Variants in FYCO1 observed in about 807,000 individuals in gnomAD.
FYCO1 encodes the protein FYVE and coiled-coil domain-containing protein 1.
A neutral mutation model predicts 165.1 loss-of-function variants in FYCO1; 122 were observed. The ratio of observed to expected loss-of-function variants is 0.74; its 90% CI spans 0.64 to 0.86. The LOEUF (loss-of-function observed/expected upper bound fraction) is 0.86, where lower values mean the gene tolerates loss of function less well. Ranked by LOEUF, FYCO1 falls within the 40% of genes least tolerant of loss-of-function variation. The pLI, the probability that FYCO1 is intolerant of heterozygous loss-of-function variation, is 0.00. For missense variants in FYCO1, 1,702 were observed against 1,810.3 expected (o/e 0.94, Z 1.09); for synonymous variants, 648 against 742.5 (o/e 0.87, Z 2.07).
At chr3:45,936,343 A>T in intron 15 of FYCO1, 105 bp downstream of exon 15, 1 of 771,708 alleles carries the variant, frequency 1.3e-6, no homozygotes, top group South Asian at 1.4e-5. Flanking sequence ...CCCCACTGGT[A>T]TTAAGTTAGA....
chr3:45,956,459 T>G (rs532760637), intron 13 of FYCO1, among the ~76,000 whole-genome samples: 2 of 152,304 alleles, frequency 1.3e-5, no homozygotes, highest in African/African-American at 4.8e-5. Flanking sequence ...GGCAAGCCCA[T>G]GCAAAGTTCC....
chr3:45,985,808 C>T (rs1204172797), intron 1 of FYCO1, among the ~76,000 whole-genome samples: 1 of 152,246 alleles, frequency 6.6e-6, no homozygotes, highest in Non-Finnish European at 1.5e-5. Flanking sequence ...TGAAGGCCAA[C>T]AGAAGTTAAA....
Position 45,931,195 on chromosome 3 carries a change from A to G in FYCO1, c.4127T>C (p.Leu1376Pro), listed in dbSNP as rs387906965. ...TGCCTCGGCCACAGTGATGGGGATC[A>G]GGCTGTAGGTGCTGGACCTCACAAA... ...ELFVRSSTYS[L>P]IPITVAEAGL... The change falls in exon 16 of 18, where the codon CTG becomes CCG. Residue 1376 changes from leucine to proline, a missense_variant. Leu to Pro is a moderately conservative substitution (Grantham distance 98). Transcript: ENST00000296137. The G allele has an allele frequency of 1.2e-6, 2 of 1,614,134 alleles. No homozygotes were observed. Among genetic ancestry groups the G allele is most frequent in the South Asian group, 2.2e-5 (2 of 91,086 alleles).
intron 1 of FYCO1, among the ~76,000 whole-genome samples, chr3:45,988,281 C>T (rs1324181018): frequency 6.6e-6 from 1 of 152,162 alleles, no homozygotes; most frequent in African/African-American, 2.4e-5. Context: ...CTCCTTGCTC[C>T]TCCGTCTCGG....
At chr3:45,976,055 CCCAGGGGTGAGA>C (rs1706740778) in intron 4 of FYCO1, among the ~76,000 whole-genome samples, 1 of 152,168 alleles carries the variant, frequency 6.6e-6, no homozygotes, top group Non-Finnish European at 1.5e-5. Context: ...TCAGAAGGAG[CCCAGGGGTGAGA>C]CCAGGGGTGT....
chr3:45,943,943 A>G (rs1418824965), intron 14 of FYCO1, among the ~76,000 whole-genome samples: 1 of 152,236 alleles, frequency 6.6e-6, no homozygotes, highest in Non-Finnish European at 1.5e-5. Flanking sequence ...ATATAAATCA[A>G]CATACTACTG....
In FYCO1 at chr3:45,956,152, T is replaced by C. The variant is rs192745425; in HGVS notation, c.3800-759A>G. ...GGAGTTCAGTACCAGCCTGGCCAAC[T>C]TGATGAAACCCTGTGTCTAATAAAA... is the stretch of plus-strand genomic sequence containing the variant. On this transcript the variant is annotated intron_variant, in intron 13 of 17. Coordinates refer to ENST00000296137, the MANE Select transcript of FYCO1 (RefSeq NM_024513.4). 3.6e-3 allele frequency among the ~76,000 whole-genome samples: 540 copies of C among 152,098 alleles called. 8 individuals are homozygous for C. Among genetic ancestry groups the C allele is most frequent in the African/African-American group, 0.012 (501 of 41,464 alleles).
At chr3:45,930,791 C>G (rs750499365) in intron 16 of FYCO1, among the ~76,000 whole-genome samples, 14 of 152,222 alleles carry the variant, frequency 9.2e-5, no homozygotes, top group Non-Finnish European at 1.8e-4. Context: ...CTGTATTCCT[C>G]TTTCACCTAC....
At chr3:45,959,961 T>C (rs1319027267) in intron 11 of FYCO1, among the ~76,000 whole-genome samples, 1 of 152,220 alleles carries the variant, frequency 6.6e-6, no homozygotes, top group Non-Finnish European at 1.5e-5. Flanking sequence ...GGGCCCTTTA[T>C]GTTTCTATGG....
intron 1 of FYCO1, among the ~76,000 whole-genome samples, chr3:45,988,890 A>T (rs1432836833): frequency 6.6e-6 from 1 of 152,178 alleles, no homozygotes; most frequent in Non-Finnish European, 1.5e-5. Context: ...AGTTTTTTCT[A>T]TACCTGCCCA....
Position 45,964,566 on chromosome 3 carries a change from G to C in FYCO1, c.3151-112C>G. On this transcript the variant is annotated intron_variant, in intron 9 of 17. Transcript: ENST00000296137. This position sits in a 1 kb window ranked among gnomAD's most constrained non-coding sequence, Gnocchi z 4.1. ...TCTGGCTGGGTCACTTCTAAATGGA[G>C]GGTTGTTTCCTATTAAGTTCAAGAG... The C allele has an allele frequency of 6.4e-7, 1 of 1,552,114 alleles. No homozygotes were observed.
Position 45,976,806 on chromosome 3 carries a change from G to A in FYCO1, c.289-1461C>T, listed in dbSNP as rs569170167. On this transcript the variant is annotated intron_variant, in intron 4 of 17. Transcript: ENST00000296137. The stretch of plus-strand genomic sequence containing the variant: ...CAGAACTATATTTCTTCTTACTGCT[G>A]ACTCAAGGAAATGATACCATATGAA... Among the ~76,000 whole-genome samples, 314 of 152,244 alleles carry A rather than the reference G, an allele frequency of 2.1e-3. 3 individuals are homozygous for A. Among genetic ancestry groups the A allele is most frequent in the Non-Finnish European group, 2.6e-3 (174 of 68,024 alleles).
chr3:45,964,326 T>C lies in FYCO1; in HGVS notation c.3269+10A>G, dbSNP rs1705867971. ...ACTACCGACAGCTACGTAGGTGGAC[T>C]GTGACTAACCTTTCTAGGTCTTCAC... is the stretch of plus-strand genomic sequence containing the variant. On this transcript the variant is annotated intron_variant, in intron 10 of 17. Transcript: ENST00000296137. The surrounding 1 kb of genome is among the most constrained non-coding windows in gnomAD (Gnocchi z 4.1). 6.2e-7 allele frequency: 1 copy of C among 1,602,868 alleles called. No individual in the cohort carries two copies. The highest frequency in any genetic ancestry group is 1.1e-5 in the South Asian group (1 of 90,842).
intron 13 of FYCO1, 77 bp from the exon 14 acceptor site, chr3:45,955,470 A>G: frequency 6.5e-7 from 1 of 1,541,756 alleles, no homozygotes; most frequent in East Asian, 2.2e-5. Context: ...GCCCTTGGGA[A>G]AGTGAGAGAG....
intron 14 of FYCO1, among the ~76,000 whole-genome samples, chr3:45,949,111 C>T (rs776394245): frequency 3.3e-5 from 5 of 152,164 alleles, no homozygotes; most frequent in African/African-American, 7.2e-5. Flanking sequence ...CCATGTGCAC[C>T]TGGTGCAGCT....
At chr3:45,946,313 A>C in intron 14 of FYCO1, 2 of 602,020 alleles carry the variant, frequency 3.3e-6, no homozygotes, top group Non-Finnish European at 5.9e-6. Context: ...GGTTATCTTC[A>C]ATATACTGGA....
chr3:45,978,982 G>A (rs1319281505), intron 4 of FYCO1, among the ~76,000 whole-genome samples: 9 of 151,256 alleles, frequency 6.0e-5, no homozygotes, highest in African/African-American at 9.7e-5. Context: ...TCAGCCTCCC[G>A]CGTAGCTGGG....
intron 15 of FYCO1, among the ~76,000 whole-genome samples, chr3:45,932,937 C>T (rs1030717229): frequency 1.3e-5 from 2 of 152,198 alleles, no homozygotes; most frequent in Admixed American, 6.5e-5. Flanking sequence ...TAAAAAGTCA[C>T]TTACCCTGAC....
In FYCO1 at chr3:45,977,350, AATAT is replaced by A. The variant is rs57543574; in HGVS notation, c.289-2009_289-2006del. ...TTAATCAGGCCCATTAACTGAATTA[AATAT>A]ATATATATATATATATATATATATA... On this transcript the variant is annotated intron_variant, in intron 4 of 17. Coordinates refer to ENST00000296137, the MANE Select transcript of FYCO1 (RefSeq NM_024513.4). Among the ~76,000 whole-genome samples the A allele has an allele frequency of 9.9e-4, 111 of 112,510 alleles. 1 individual carries two copies. Among genetic ancestry groups the A allele is most frequent in the Non-Finnish European group, 1.3e-3 (73 of 56,076 alleles). 73.8% of individuals were successfully genotyped at this position (112,510 alleles called of 152,430 possible). A position where few individuals can be genotyped will look rare whatever the true frequency, so the allele number is the denominator to read the frequency against.
Sources: gnomAD v4.1 joint callset for allele counts (sites outside exome capture counted in the v4.1 genomes callset) on GRCh38, gnomAD v4.1.1 for gene constraint, Gnocchi (gnomAD v3.1) non-coding constraint, MANE v1.5 for transcripts, NCBI Gene and HGNC (gene_info 2026-07-23, HGNC 2026-07-21) for gene names.